Variants in IL1RAPL1 observed in about 807,000 individuals in gnomAD.
IL1RAPL1 encodes interleukin 1 receptor accessory protein like 1.
In IL1RAPL1, 3 loss-of-function variants were observed where a neutral mutation model predicts 48.4. That is an observed-to-expected ratio of 0.06 (90% CI 0.03 to 0.16). The LOEUF (loss-of-function observed/expected upper bound fraction) is 0.16. Ranked by LOEUF, IL1RAPL1 falls within the 10% of genes least tolerant of loss-of-function variation. The probability of loss-of-function intolerance (pLI) is 1.00; values close to 1 mark genes in which losing one functional copy is unlikely to be tolerated. For missense variants in IL1RAPL1, 349 were observed against 530.6 expected, an observed-to-expected ratio of 0.66 and a Z score of 3.36; for synonymous variants, 185 against 187.7, an observed-to-expected ratio of 0.99 and a Z score of 0.12.
At chrX:29,335,904 G>A (rs1403583203) in intron 3 of IL1RAPL1, among the ~76,000 whole-genome samples, 1 of 110,291 alleles carries the variant, frequency 9.1e-6, no homozygotes, top group Non-Finnish European at 1.9e-5. Flanking sequence ...GGATATATAG[G>A]TATCAAGTAT....
chrX:28,909,464 A>C (rs1444511568), intron 2 of IL1RAPL1, among the ~76,000 whole-genome samples: 1 of 111,405 alleles, frequency 9.0e-6, no homozygotes, highest in Non-Finnish European at 1.9e-5. Flanking sequence ...TCAGTTCCAT[A>C]ATTTTTAAAC....
At chrX:29,837,137 C>G (rs112870971) in intron 6 of IL1RAPL1, among the ~76,000 whole-genome samples, 1 of 105,843 alleles carries the variant, frequency 9.4e-6, no homozygotes, top group South Asian at 4.3e-4. Context: ...GTGGCGGGCA[C>G]CTGTAGTCCC....
At chrX:28,602,332 G>A (rs1601830680) in intron 1 of IL1RAPL1, among the ~76,000 whole-genome samples, 1 of 111,768 alleles carries the variant, frequency 8.9e-6, no homozygotes, top group South Asian at 3.7e-4. Context: ...CTCAAAAATT[G>A]TTCCATTTTT....
chrX:29,926,939 A>G (rs1932896996), intron 8 of IL1RAPL1, among the ~76,000 whole-genome samples: 1 of 112,082 alleles, frequency 8.9e-6, no homozygotes, highest in African/African-American at 3.2e-5. Context: ...AAGGACAAGT[A>G]TTTTAATCTT....
chrX:29,116,676 G>A (rs1928683357), intron 2 of IL1RAPL1, among the ~76,000 whole-genome samples: 1 of 111,481 alleles, frequency 9.0e-6, no homozygotes, highest in Non-Finnish European at 1.9e-5. Flanking sequence ...AATACAATAG[G>A]GTACTTGAGA....
At chrX:28,768,113 G>A (rs907469811) in intron 1 of IL1RAPL1, among the ~76,000 whole-genome samples, 4 of 111,399 alleles carry the variant, frequency 3.6e-5, no homozygotes, top group Non-Finnish European at 5.7e-5. Context: ...TAAACACATC[G>A]TGTGGATTTT....
intron 6 of IL1RAPL1, among the ~76,000 whole-genome samples, chrX:29,850,222 CT>C (rs1340612330): frequency 2.7e-5 from 3 of 112,074 alleles, no homozygotes; most frequent in African/African-American, 9.7e-5. Flanking sequence ...CACCATCTAC[CT>C]ACTTACTTAA....
At chrX:28,912,328 C>T (rs369296075) in intron 2 of IL1RAPL1, among the ~76,000 whole-genome samples, 1 of 110,430 alleles carries the variant, frequency 9.1e-6, no homozygotes, top group East Asian at 2.8e-4. Context: ...TGTTACTCTT[C>T]CATTTGAACC....
intron 5 of IL1RAPL1, among the ~76,000 whole-genome samples, chrX:29,451,156 ATTCTT>A (rs965975175): frequency 5.6e-5 from 6 of 107,583 alleles, no homozygotes; most frequent in African/African-American, 2.0e-4. Context: ...CTTTTCTTCT[ATTCTT>A]TTTTATTATT....
At chrX:28,855,192 G>A (rs989077636) in intron 2 of IL1RAPL1, among the ~76,000 whole-genome samples, 1 of 110,743 alleles carries the variant, frequency 9.0e-6, no homozygotes, top group African/African-American at 3.3e-5. Flanking sequence ...GCTGATTTTT[G>A]TATTTTTACT....
intron 5 of IL1RAPL1, among the ~76,000 whole-genome samples, chrX:29,537,341 A>G (rs1921265891): frequency 9.0e-6 from 1 of 110,982 alleles, no homozygotes; most frequent in African/African-American, 3.3e-5. Context: ...AATTATAGCT[A>G]TTTGTTGGGT....
chrX:28,908,489 G>A (rs988264774), intron 2 of IL1RAPL1, among the ~76,000 whole-genome samples: 12 of 111,417 alleles, frequency 1.1e-4, no homozygotes, highest in African/African-American at 3.3e-4. Flanking sequence ...CAAATATTTG[G>A]AGATTTTCAA....
intron 1 of IL1RAPL1, among the ~76,000 whole-genome samples, chrX:28,719,655 G>T (rs183947372): frequency 1.8e-5 from 2 of 110,749 alleles, no homozygotes; most frequent in African/African-American, 3.3e-5. Flanking sequence ...AAACCAGCTC[G>T]TAGATGACCT....
chrX:29,807,925 G>T (rs1411290849), intron 6 of IL1RAPL1, among the ~76,000 whole-genome samples: 1 of 111,276 alleles, frequency 9.0e-6, no homozygotes, highest in Non-Finnish European at 1.9e-5. Context: ...TGAGTAATTG[G>T]TAATCAAAGA....
intron 2 of IL1RAPL1, among the ~76,000 whole-genome samples, chrX:28,962,841 A>G (rs1449635127): frequency 9.3e-6 from 1 of 107,961 alleles, no homozygotes; most frequent in African/African-American, 3.4e-5. Context: ...CCTGGAACCA[A>G]TCCCCTGTGG....
chrX:29,105,155 T>C (rs1928423496), intron 2 of IL1RAPL1, among the ~76,000 whole-genome samples: 1 of 111,942 alleles, frequency 8.9e-6, no homozygotes. Flanking sequence ...AAGGAAGACA[T>C]TGGAATTGAA....
intron 3 of IL1RAPL1, among the ~76,000 whole-genome samples, chrX:29,378,954 A>G (rs761347761): frequency 5.9e-4 from 66 of 112,334 alleles, no homozygotes; most frequent in Admixed American, 1.6e-3. Context: ...TTGCAGAGGG[A>G]GGCATGCCTC....
chrX:29,642,290 T>C (rs1006367383), intron 5 of IL1RAPL1, among the ~76,000 whole-genome samples: 9 of 112,276 alleles, frequency 8.0e-5, no homozygotes, highest in Admixed American at 1.9e-4. Flanking sequence ...TCTAACGTTC[T>C]CTTTTACGAT....
At chrX:28,979,716 A>T (rs1925284451) in intron 2 of IL1RAPL1, among the ~76,000 whole-genome samples, 1 of 112,247 alleles carries the variant, frequency 8.9e-6, no homozygotes, top group African/African-American at 3.2e-5. Flanking sequence ...AGCACACTGA[A>T]TATGTATTTC....
Sources: gnomAD v4.1 joint callset for allele counts (sites outside exome capture counted in the v4.1 genomes callset) on GRCh38, gnomAD v4.1.1 for gene constraint, MANE v1.5 for transcripts, NCBI Gene and HGNC (gene_info 2026-07-23, HGNC 2026-07-21) for gene names.